Variants in SND1 observed in about 807,000 individuals in gnomAD.
SND1 encodes staphylococcal nuclease domain-containing protein 1.
Under a neutral mutation model 121.7 loss-of-function variants are expected in SND1, and 38 were observed. The observed-to-expected ratio is 0.31, with a 90% CI of 0.24 to 0.41. The LOEUF (loss-of-function observed/expected upper bound fraction) is 0.41, where lower values mean the gene tolerates loss of function less well. Ranked by LOEUF, SND1 falls within the 10% of genes least tolerant of loss-of-function variation. The pLI is 1.00. For missense variants in SND1, 868 were observed against 1,184.6 expected, an observed-to-expected ratio of 0.73 and a Z score of 3.92; for synonymous variants, 401 against 447.4, an observed-to-expected ratio of 0.90 and a Z score of 1.31.
At chr7:127,996,724 G>A (rs934897073) in intron 16 of SND1, among the ~76,000 whole-genome samples, 4 of 152,132 alleles carry the variant, frequency 2.6e-5, no homozygotes, top group Non-Finnish European at 5.9e-5. Context: ...CAGGCTGTCC[G>A]GCAATGTTTC....
At chr7:127,964,569 A>G (rs1801812382) in intron 15 of SND1, among the ~76,000 whole-genome samples, 2 of 151,906 alleles carry the variant, frequency 1.3e-5, no homozygotes, top group African/African-American at 2.4e-5. Flanking sequence ...AGTTGTAGGT[A>G]AGCGGCGTTA....
intron 15 of SND1, among the ~76,000 whole-genome samples, chr7:127,978,163 A>G (rs781445138): frequency 1.3e-5 from 2 of 152,190 alleles, no homozygotes; most frequent in Non-Finnish European, 2.9e-5. Context: ...GGCCCAGTGC[A>G]TGACTGAGGG....
chr7:127,742,778 A>G (rs1461488384), intron 10 of SND1, among the ~76,000 whole-genome samples: 1 of 152,160 alleles, frequency 6.6e-6, no homozygotes, highest in Non-Finnish European at 1.5e-5. Context: ...ATGCAAGATG[A>G]AGCCCCTACT....
At chr7:127,910,215 G>A (rs1031942896) in intron 14 of SND1, among the ~76,000 whole-genome samples, 6 of 152,084 alleles carry the variant, frequency 3.9e-5, no homozygotes, top group South Asian at 2.1e-4. Context: ...TGAGGTGGGC[G>A]GATCTCCTGA....
At position 127,652,417 on chromosome 7, in the gene SND1, C is replaced by T. The variant is rs772460220; in HGVS notation, c.44C>T (p.Ala15Val). The T allele has an allele frequency of 6.4e-7, 1 of 1,568,892 alleles. No homozygotes were observed. Among genetic ancestry groups the T allele is most frequent in the South Asian group, 1.2e-5 (1 of 83,530 alleles). Residue 15 changes from alanine (A) to valine (V), a missense_variant, in exon 1 of 24, where the codon GCG becomes GTG. Physicochemically the swap from Ala to Val is moderately conservative, Grantham distance 64. Around this residue, in one of 2 missense-constraint regions of SND1, gnomAD observed 125 missense variants for 113.3 expected, o/e 1.10. Transcript: ENST00000354725. ...AGCGGCGGCTCCTCCGGGGGACCCG[C>T]GGTCCCCACCGTGCAGCGGGGCATC... ...AQSGGSSGGP[A>V]VPTVQRGIIK...
At chr7:127,834,337 T>C (rs1371914928) in intron 11 of SND1, among the ~76,000 whole-genome samples, 1 of 152,184 alleles carries the variant, frequency 6.6e-6, no homozygotes, top group African/African-American at 2.4e-5. Flanking sequence ...AACTGAGAAA[T>C]GGTTTGATCT....
At chr7:127,948,614 A>G (rs547626993) in intron 15 of SND1, among the ~76,000 whole-genome samples, 2 of 152,350 alleles carry the variant, frequency 1.3e-5, no homozygotes, top group South Asian at 2.1e-4. Context: ...AATGCCATCT[A>G]TCCAATTCTC....
chr7:127,927,997 A>G (rs1466861430), intron 14 of SND1: 3 of 152,120 alleles, frequency 2.0e-5, no homozygotes, highest in Admixed American at 6.5e-5. Flanking sequence ...TCCAGTGACT[A>G]TTCCCCTAGC....
chr7:127,722,168 C>T (rs1397333393), intron 10 of SND1, among the ~76,000 whole-genome samples: 1 of 152,168 alleles, frequency 6.6e-6, no homozygotes, highest in African/African-American at 2.4e-5. Flanking sequence ...CGTCTGATAA[C>T]TAAACTGTGT....
At chr7:127,861,925 T>C (rs1264627408) in intron 12 of SND1, among the ~76,000 whole-genome samples, 1 of 152,240 alleles carries the variant, frequency 6.6e-6, no homozygotes, top group Non-Finnish European at 1.5e-5. Flanking sequence ...GTTTTTGTTT[T>C]TCACTGTGCT....
At chr7:128,065,178 G>A (rs1793291741) in intron 16 of SND1, among the ~76,000 whole-genome samples, 1 of 152,240 alleles carries the variant, frequency 6.6e-6, no homozygotes, top group Non-Finnish European at 1.5e-5. Context: ...ATGGAAATGG[G>A]TACCTGAGGA....
At position 127,929,301 on chromosome 7, in the gene SND1, A is replaced by G; in HGVS notation, c.1641A>G (p.Glu547=). 6.2e-7 allele frequency: 1 copy of G among 1,614,038 alleles called. No individual in the cohort carries two copies. The change falls in exon 15 of 24, where the codon GAA becomes GAG. Residue 547 remains glutamate, a synonymous_variant. Transcript: ENST00000354725. ...GTCTCAAACTCTATTTGCCAAAGGA[A>G]ACTTGCCTTATCACCTTCTTGCTTG... The part of the protein sequence containing the change: ...GSRLKLYLPK[E]TCLITFLLAG...
chr7:127,905,185 G>A (rs758665342), intron 14 of SND1, among the ~76,000 whole-genome samples: 1 of 152,108 alleles, frequency 6.6e-6, no homozygotes, highest in Non-Finnish European at 1.5e-5. Context: ...GTAGCAAAAG[G>A]TCAAGTATAG....
chr7:127,795,711 G>A (rs1410175217), intron 10 of SND1, among the ~76,000 whole-genome samples: 1 of 152,094 alleles, frequency 6.6e-6, no homozygotes, highest in Non-Finnish European at 1.5e-5. Context: ...TTTGGATTTT[G>A]TAAATTTGGA....
chr7:127,845,555 T>A (rs1799043701), intron 12 of SND1, among the ~76,000 whole-genome samples: 4 of 152,258 alleles, frequency 2.6e-5, no homozygotes, highest in Non-Finnish European at 4.4e-5. Context: ...TCTATCTGTA[T>A]AAATTACAAT....
Position 127,686,605 on chromosome 7 carries a change from CT to C in SND1, c.79-7del, listed in dbSNP as rs569548408. The C allele has an allele frequency of 3.8e-4, 609 of 1,612,712 alleles. No individual in the cohort carries two copies. In the African/African-American group the frequency reaches 5.7e-3, roughly 15 times the overall value. ...ACCATTCATTTTCTCTTTCTTCCCC[CT>C]ACGTAGGTCCTCTCAGGGTGCGCCA... is the stretch of plus-strand genomic sequence containing the variant. On this transcript the variant is annotated splice_polypyrimidine_tract_variant and splice_region_variant and intron_variant, in intron 1 of 23. Transcript: ENST00000354725.
chr7:127,794,626 G>A (rs910890931), intron 10 of SND1, among the ~76,000 whole-genome samples: 13 of 152,226 alleles, frequency 8.5e-5, no homozygotes, highest in African/African-American at 3.1e-4. Flanking sequence ...TGTTGTCAGA[G>A]ATTTATTTTC....
At chr7:127,953,432 C>G (rs1166836937) in intron 15 of SND1, among the ~76,000 whole-genome samples, 1 of 152,012 alleles carries the variant, frequency 6.6e-6, no homozygotes, top group Non-Finnish European at 1.5e-5. Context: ...CCACCTACTT[C>G]TATTTTTCCT....
intron 15 of SND1, among the ~76,000 whole-genome samples, chr7:127,987,998 C>T (rs1802433701): frequency 6.6e-6 from 1 of 152,154 alleles, no homozygotes; most frequent in Admixed American, 6.5e-5. Flanking sequence ...GGTCTTCCTG[C>T]CTAAATAATT....
Sources: allele counts gnomAD v4.1 joint callset (sites outside exome capture counted in the v4.1 genomes callset), GRCh38; gene constraint gnomAD v4.1.1; regional missense constraint gnomAD v4.1.1; transcripts MANE v1.5; gene names NCBI Gene and HGNC (gene_info 2026-07-23, HGNC 2026-07-21).